ANKRD11: variants seen among roughly 807,000 people sequenced by gnomAD.
ANKRD11 encodes the protein ankyrin repeat domain-containing protein 11.
A neutral mutation model predicts 195.7 loss-of-function variants in ANKRD11; 17 were observed. The observed-to-expected ratio is 0.09, with a 90% CI of 0.06 to 0.13. The LOEUF (loss-of-function observed/expected upper bound fraction) is 0.13, where lower values mean the gene tolerates loss of function less well. Among genes scored for constraint, ANKRD11 ranks in the 10% least tolerant of loss-of-function variants. The pLI, the probability that ANKRD11 is intolerant of heterozygous loss-of-function variation, is 1.00. For synonymous variants in ANKRD11, 1,953 were observed against 1,528.1 expected (o/e 1.28, Z -6.49); for missense variants, 3,735 against 3,566.1 (o/e 1.05, Z -1.21).
intron 2 of ANKRD11, among the ~76,000 whole-genome samples, chr16:89,396,754 T>C (rs990911472): frequency 6.6e-6 from 1 of 152,224 alleles, no homozygotes; most frequent in Non-Finnish European, 1.5e-5. Flanking sequence ...TGGCGCCATC[T>C]TGGCTCACTG....
intron 2 of ANKRD11, among the ~76,000 whole-genome samples, chr16:89,377,874 G>A (rs2040489547): frequency 6.6e-6 from 1 of 151,510 alleles, no homozygotes; most frequent in Non-Finnish European, 1.5e-5. Flanking sequence ...CCCGCCCCAT[G>A]AGAACAGCAT....
intron 1 of ANKRD11, among the ~76,000 whole-genome samples, chr16:89,473,222 T>G (rs2057147593): frequency 6.7e-6 from 1 of 149,420 alleles, no homozygotes; most frequent in Non-Finnish European, 1.5e-5. Flanking sequence ...GCCTGAAGGA[T>G]GAGTAGGCAT....
At chr16:89,353,997 C>T (rs1462535772) in intron 2 of ANKRD11, among the ~76,000 whole-genome samples, 1 of 152,180 alleles carries the variant, frequency 6.6e-6, no homozygotes, top group African/African-American at 2.4e-5. Context: ...ACCAGCCCAG[C>T]TGAATGCCCC....
At chr16:89,339,222 A>G (rs1567670247) in intron 2 of ANKRD11, among the ~76,000 whole-genome samples, 1 of 152,236 alleles carries the variant, frequency 6.6e-6, no homozygotes, top group Admixed American at 6.5e-5. Context: ...CCATTATCAC[A>G]ATGAAGGTGA....
chr16:89,283,626 G>C lies in ANKRD11; in HGVS notation c.2916C>G (p.His972Gln). 1 of 1,610,436 alleles carries C rather than the reference G, an allele frequency of 6.2e-7. No individual in the cohort carries two copies. Among genetic ancestry groups the C allele is most frequent in the Non-Finnish European group, 8.5e-7 (1 of 1,179,890 alleles). Residue 972 changes from histidine to glutamine, a missense_variant, in exon 9 of 13, where the codon CAC (histidine) becomes CAG (glutamine). By Grantham distance (24) the His-to-Gln change is conservative. Transcript: ENST00000301030. This position sits in a 1 kb window ranked among gnomAD's most constrained non-coding sequence, Gnocchi z 4.3. ...RDGRAKPEEA[H>Q]REELKECGCE... Reference sequence around the variant, plus strand: ...AGCCACACTCCTTCAGCTCCTCCCGGTGCGCCTCCTCGGGCTTGGCCCTGC... The same window carrying C: ...AGCCACACTCCTTCAGCTCCTCCCGCTGCGCCTCCTCGGGCTTGGCCCTGC...
chr16:89,334,835 G>C (rs1304640068), intron 2 of ANKRD11, among the ~76,000 whole-genome samples: 3 of 152,116 alleles, frequency 2.0e-5, no homozygotes, highest in Non-Finnish European at 4.4e-5. Context: ...CAACACACGG[G>C]GCGCACGTGT....
At chr16:89,388,439 T>C (rs897094469) in intron 2 of ANKRD11, among the ~76,000 whole-genome samples, 1 of 151,750 alleles carries the variant, frequency 6.6e-6, no homozygotes, top group African/African-American at 2.4e-5. Context: ...CTCCATGAGG[T>C]TGATTTTTAA....
intron 1 of ANKRD11, among the ~76,000 whole-genome samples, chr16:89,427,125 C>T (rs1054782994): frequency 6.6e-6 from 1 of 152,162 alleles, no homozygotes; most frequent in African/African-American, 2.4e-5. Context: ...CATACACAAG[C>T]AATGAACAAT....
chr16:89,355,841 G>A (rs948827030), intron 2 of ANKRD11, among the ~76,000 whole-genome samples: 5 of 152,192 alleles, frequency 3.3e-5, no homozygotes, highest in African/African-American at 1.2e-4. Flanking sequence ...CCTGTGCGCA[G>A]CCCAATGGAA....
chr16:89,398,764 C>A (rs1398355373), intron 2 of ANKRD11, among the ~76,000 whole-genome samples: 17 of 152,108 alleles, frequency 1.1e-4, no homozygotes, highest in East Asian at 9.7e-4. Flanking sequence ...AATCCCAATA[C>A]ACTGTTAGTG....
At position 89,334,144 on chromosome 16, in the gene ANKRD11, T is replaced by TAAAAAAAAAAA. The variant is rs869142504; in HGVS notation, c.-59-17077_-59-17067dup. Among the ~76,000 whole-genome samples the TAAAAAAAAAAA allele has an allele frequency of 2.2e-3, 91 of 41,406 alleles. 15 individuals carry two copies. The highest frequency in any genetic ancestry group is 8.5e-3 in the African/African-American group (89 of 10,438). The allele number at this position is 41,406 out of a possible 152,430, so 27.2% of individuals were successfully genotyped here. Reference sequence around the variant, plus strand: ...GGTAACATGATGAAACCCTGTGTTTTAAAAAAAAAAAAAAAAAAAAAAAAA... The same window carrying TAAAAAAAAAAA: ...GGTAACATGATGAAACCCTGTGTTTTAAAAAAAAAAAAAAAAAAAAAAAAAAAAAAAAAAAA... On this transcript the variant is annotated intron_variant, in intron 2 of 12. Transcript: ENST00000301030.
intron 2 of ANKRD11, among the ~76,000 whole-genome samples, chr16:89,384,906 T>TTTTTTC (rs2040842623): frequency 1.1e-5 from 1 of 90,096 alleles, no homozygotes; most frequent in African/African-American, 3.9e-5. Context: ...TTTTTTTTTT[T>TTTTTTC]TGAGACTACG....
intron 2 of ANKRD11, chr16:89,323,443 C>CCA (rs2037470364): frequency 2.0e-6 from 1 of 512,574 alleles, no homozygotes; most frequent in African/African-American, 3.1e-5. Context: ...GGGGCTGAGC[C>CCA]GAGGGCAGGG....
At chr16:89,299,318 C>CGTGGGATCCCTGCCCTGT (rs1223889798) in intron 4 of ANKRD11, 1 of 211,590 alleles carries the variant, frequency 4.7e-6, no homozygotes, top group African/African-American at 2.4e-5. Flanking sequence ...CTGTGCCCTG[C>CGTGGGATCCCTGCCCTGT]GTGGGATCCC....
At chr16:89,454,340 C>T (rs940203256) in intron 1 of ANKRD11, among the ~76,000 whole-genome samples, 4 of 152,072 alleles carry the variant, frequency 2.6e-5, no homozygotes, top group Admixed American at 2.0e-4. Context: ...AGCAAGGATC[C>T]GACCCACATG....
chr16:89,392,698 T>G (rs1415855838), intron 2 of ANKRD11: 1 of 148,894 alleles, frequency 6.7e-6, no homozygotes, highest in African/African-American at 2.5e-5. Context: ...GCAGACCCAA[T>G]CAACATGGTT....
At chr16:89,489,930 C>A (rs1403069521) in intron 1 of ANKRD11, among the ~76,000 whole-genome samples, 4 of 145,436 alleles carry the variant, frequency 2.8e-5, no homozygotes, top group African/African-American at 1.0e-4. Flanking sequence ...CCGCCCCTTA[C>A]GGCCGACCCA....
chr16:89,383,322 T>C (rs1567727314), intron 2 of ANKRD11, among the ~76,000 whole-genome samples: 1 of 152,248 alleles, frequency 6.6e-6, no homozygotes. Context: ...CATGCCTGCC[T>C]GGCTGCTCTG....
intron 1 of ANKRD11, among the ~76,000 whole-genome samples, chr16:89,433,600 AGAGT>A (rs1338374335): frequency 3.3e-5 from 5 of 152,324 alleles, no homozygotes; most frequent in African/African-American, 1.2e-4. Flanking sequence ...CACCTTCACC[AGAGT>A]AAGAGAGAAG....
Sources: gnomAD v4.1 joint callset for allele counts (sites outside exome capture counted in the v4.1 genomes callset) on GRCh38, gnomAD v4.1.1 for gene constraint, Gnocchi (gnomAD v3.1) non-coding constraint, MANE v1.5 for transcripts, NCBI Gene and HGNC (gene_info 2026-07-23, HGNC 2026-07-21) for gene names.